The following BLTP1 variants were observed in gnomAD, a reference collection of about 807,000 sequenced individuals.
BLTP1 encodes the protein fragile site-associated protein.
chr4:122,323,940 C>T, the BLTP1 span, among the ~76,000 whole-genome samples: 3 of 151,932 alleles, frequency 2.0e-5, no homozygotes, highest in African/African-American at 2.4e-5. Flanking sequence ...AGCACCATCA[C>T]GAGTTTCTAG....
At chr4:122,332,428 G>A in the BLTP1 span, among the ~76,000 whole-genome samples, 1 of 151,728 alleles carries the variant, frequency 6.6e-6, no homozygotes, top group Non-Finnish European at 1.5e-5. Context: ...GTTTCATTTG[G>A]TTCAACCTAA....
At chr4:122,183,923 A>ATT in the BLTP1 span, among the ~76,000 whole-genome samples, 1 of 149,774 alleles carries the variant, frequency 6.7e-6, no homozygotes, top group Middle Eastern at 3.2e-3. Context: ...AAAGAGGTAC[A>ATT]TTTTTTTTTT....
chr4:122,194,701 C>T, the BLTP1 span: 1 of 839,594 alleles, frequency 1.2e-6, no homozygotes, highest in Non-Finnish European at 1.4e-6. Flanking sequence ...AAGTGTGATT[C>T]TTCTTAAACT....
the BLTP1 span, chr4:122,187,440 A>C: frequency 4.3e-6 from 7 of 1,611,684 alleles, no homozygotes; most frequent in Admixed American, 1.7e-5. Context: ...GAGTTAAAGT[A>C]AAAACAGAAT....
the BLTP1 span, chr4:122,250,446 C>T: frequency 6.2e-7 from 1 of 1,613,760 alleles, no homozygotes; most frequent in Non-Finnish European, 8.5e-7. Context: ...GGAGTGCTGA[C>T]ATCCAATAAT....
At chr4:122,318,357 A>G in the BLTP1 span, 1 of 994,444 alleles carries the variant, frequency 1.0e-6, no homozygotes, top group Non-Finnish European at 1.5e-6. Flanking sequence ...TACCATCTAA[A>G]GCACGTTACA....
chr4:122,237,019 T>C, the BLTP1 span: 3 of 985,126 alleles, frequency 3.0e-6, no homozygotes, highest in Admixed American at 1.8e-4. Context: ...TGTTCCTGTA[T>C]CACTTAGAAG....
At chr4:122,273,445 G>T in the BLTP1 span, 1 of 983,646 alleles carries the variant, frequency 1.0e-6, no homozygotes, top group Non-Finnish European at 1.2e-6. Flanking sequence ...TATCACAAAG[G>T]ATATAAACAA....
chr4:122,175,075 CA>C, the BLTP1 span: 1 of 950,994 alleles, frequency 1.1e-6, no homozygotes, highest in Non-Finnish European at 1.3e-6. Flanking sequence ...AAGAAGGAAA[CA>C]CAAATATGAA....
At chr4:122,200,930 T>C in the BLTP1 span, 1 of 1,538,462 alleles carries the variant, frequency 6.5e-7, no homozygotes, top group South Asian at 1.3e-5. Context: ...CACTAGCGTG[T>C]GTAACTTCAT....
the BLTP1 span, chr4:122,250,323 T>A: frequency 3.9e-6 from 6 of 1,549,012 alleles, no homozygotes; most frequent in Non-Finnish European, 4.4e-6. Context: ...AAGACACTTA[T>A]TCACCATTTA....
the BLTP1 span, chr4:122,224,704 G>T: frequency 1.2e-6 from 2 of 1,613,808 alleles, no homozygotes; most frequent in South Asian, 2.2e-5. Flanking sequence ...ACTATCTCCT[G>T]ACTTATTTTC....
At chr4:122,187,382 A>G in the BLTP1 span, 1 of 1,603,940 alleles carries the variant, frequency 6.2e-7, no homozygotes, top group East Asian at 2.2e-5. Context: ...CTATGTCCTC[A>G]GGTATTTAAG....
chr4:122,262,754 C>T, the BLTP1 span: 183 of 1,562,144 alleles, frequency 1.2e-4, no homozygotes, highest in Non-Finnish European at 1.5e-4. Context: ...CTAAGTTACA[C>T]TTTCTGTAGG....
the BLTP1 span, chr4:122,200,333 T>C: frequency 1.1e-6 from 1 of 941,256 alleles, no homozygotes; most frequent in African/African-American, 1.8e-5. Flanking sequence ...ATCCCAGCAC[T>C]TTGGGAGGCT....
the BLTP1 span, among the ~76,000 whole-genome samples, chr4:122,252,166 A>G: frequency 1.3e-5 from 2 of 152,182 alleles, no homozygotes; most frequent in African/African-American, 4.8e-5. Context: ...GTAGCATATC[A>G]TGGGCCTTGG....
the BLTP1 span, chr4:122,207,522 T>TA: frequency 6.6e-7 from 1 of 1,513,122 alleles, no homozygotes; most frequent in South Asian, 1.3e-5. Context: ...TTCTTTTTTT[T>TA]TTTTTTTTTC....
chr4:122,187,743 G>A, the BLTP1 span: 3 of 935,314 alleles, frequency 3.2e-6, no homozygotes, highest in South Asian at 6.1e-5. Context: ...GGTTTAAATT[G>A]ACCAGTGGAA....
At chr4:122,250,627 AAACT>A in the BLTP1 span, 2 of 1,530,840 alleles carry the variant, frequency 1.3e-6, no homozygotes, top group Non-Finnish European at 1.8e-6. Context: ...ATAACAAAGA[AAACT>A]ACATATGCAA....
Sources: allele counts gnomAD v4.1 joint callset (sites outside exome capture counted in the v4.1 genomes callset), GRCh38; gene constraint gnomAD v4.1.1; transcripts MANE v1.5; gene names NCBI Gene and HGNC (gene_info 2026-07-23, HGNC 2026-07-21).